Variants in WWOX observed in about 807,000 individuals in gnomAD.
WWOX encodes the protein WW domain-containing oxidoreductase.
Under a neutral mutation model 46.2 loss-of-function variants are expected in WWOX, and 69 were observed. The ratio of observed to expected loss-of-function variants is 1.49; its 90% CI spans 1.23 to 1.82. WWOX has a LOEUF of 1.82. Among genes scored for constraint, WWOX ranks in the 40% most tolerant of loss-of-function variants. WWOX has a pLI of 0.00. For missense variants in WWOX, 919 were observed against 542.6 expected (o/e 1.69, Z -6.89); for synonymous variants, 359 against 202.6 (o/e 1.77, Z -6.56).
In WWOX at chr16:78,617,486, G is replaced by T. The variant is rs556081776; in HGVS notation, c.1056+184734G>T. The stretch of plus-strand genomic sequence containing the variant: ...GTGAAATTGATCGTTCATTCACAAT[G>T]CTCAGTGCAGTGACTTTGCCGAGCA... On this transcript the variant is annotated intron_variant, in intron 8 of 8. Transcript: ENST00000566780. Among the ~76,000 whole-genome samples, 26 of 151,846 alleles carry T rather than the reference G, an allele frequency of 1.7e-4. No individual in the cohort carries two copies. In the South Asian group the frequency reaches 5.0e-3, roughly 29 times the overall value.
chr16:78,843,790 T>G (rs1465673062), intron 8 of WWOX, among the ~76,000 whole-genome samples: 5 of 152,302 alleles, frequency 3.3e-5, no homozygotes, highest in Non-Finnish European at 4.4e-5. Flanking sequence ...ATTTATTATG[T>G]TTTTTAAAAT....
intron 8 of WWOX, among the ~76,000 whole-genome samples, chr16:78,976,912 T>G (rs112746043): frequency 2.1e-4 from 32 of 152,330 alleles, no homozygotes; most frequent in African/African-American, 7.7e-4. Flanking sequence ...CCCTTTTCTT[T>G]TTCTCAGGGC....
At chr16:78,555,555 A>G (rs867211374) in intron 8 of WWOX, among the ~76,000 whole-genome samples, 4 of 149,872 alleles carry the variant, frequency 2.7e-5, no homozygotes, top group Middle Eastern at 3.5e-3. Flanking sequence ...TATGCAGGCC[A>G]GTACCACATT....
intron 5 of WWOX, among the ~76,000 whole-genome samples, chr16:78,354,000 G>C (rs9932477): frequency 0.15 from 23,416 of 152,170 alleles, 2,455 homozygotes; most frequent in East Asian, 0.45. Flanking sequence ...TCTCTTTCCA[G>C]ACAATAAACT....
intron 8 of WWOX, among the ~76,000 whole-genome samples, chr16:78,444,434 T>G (rs1041835216): frequency 1.3e-5 from 2 of 152,064 alleles, no homozygotes; most frequent in African/African-American, 2.4e-5. Flanking sequence ...TTTCATAAAT[T>G]TTGGATGAAA....
intron 8 of WWOX, among the ~76,000 whole-genome samples, chr16:78,528,515 A>G (rs1267035937): frequency 1.3e-5 from 2 of 152,136 alleles, no homozygotes; most frequent in Non-Finnish European, 2.9e-5. Flanking sequence ...TTTAAAATTA[A>G]TGCTGCTGTT....
intron 8 of WWOX, among the ~76,000 whole-genome samples, chr16:78,776,538 C>T (rs1213880425): frequency 6.6e-6 from 1 of 152,126 alleles, no homozygotes; most frequent in Non-Finnish European, 1.5e-5. Flanking sequence ...ACCTGTTTAG[C>T]AGCAGCAGTG....
intron 5 of WWOX, 44 bp from the exon 6 acceptor site, chr16:78,386,816 A>G (rs780034334): frequency 2.2e-5 from 34 of 1,544,170 alleles, no homozygotes; most frequent in Middle Eastern, 1.7e-4. Flanking sequence ...CATGAACTAC[A>G]CTTGCTGTTA....
intron 5 of WWOX, among the ~76,000 whole-genome samples, chr16:78,216,650 T>G (rs2036731380): frequency 6.6e-6 from 1 of 152,058 alleles, no homozygotes; most frequent in Non-Finnish European, 1.5e-5. Context: ...CCAGGACTCT[T>G]CTCCTGCTTT....
intron 8 of WWOX, among the ~76,000 whole-genome samples, chr16:78,519,833 G>T (rs1310254757): frequency 6.6e-6 from 1 of 152,106 alleles, no homozygotes; most frequent in Non-Finnish European, 1.5e-5. Context: ...TGAACTTCCA[G>T]CCCCCAGAAC....
At chr16:78,785,577 A>G (rs2050435804) in intron 8 of WWOX, among the ~76,000 whole-genome samples, 1 of 152,240 alleles carries the variant, frequency 6.6e-6, no homozygotes, top group Non-Finnish European at 1.5e-5. Flanking sequence ...AATAGTATAC[A>G]CAGTACTGTT....
chr16:79,134,023 T>C (rs2049934700), intron 8 of WWOX, among the ~76,000 whole-genome samples: 1 of 152,172 alleles, frequency 6.6e-6, no homozygotes, highest in Non-Finnish European at 1.5e-5. Context: ...AGCAAGCATG[T>C]AGGAAGAGTT....
chr16:78,590,039 G>A (rs1228530886), intron 8 of WWOX, among the ~76,000 whole-genome samples: 1 of 152,102 alleles, frequency 6.6e-6, no homozygotes. Flanking sequence ...ACTGTGATAA[G>A]TCCTAGGATT....
At chr16:78,567,273 CG>C (rs1258937824) in intron 8 of WWOX, among the ~76,000 whole-genome samples, 1 of 151,958 alleles carries the variant, frequency 6.6e-6, no homozygotes, top group Non-Finnish European at 1.5e-5. Flanking sequence ...TGGTTGGGCG[CG>C]GTGGCTCACG....
At chr16:78,522,500 G>T (rs2043371150) in intron 8 of WWOX, among the ~76,000 whole-genome samples, 1 of 152,136 alleles carries the variant, frequency 6.6e-6, no homozygotes, top group Non-Finnish European at 1.5e-5. Context: ...ACTCTTCTCT[G>T]TCTTCTTCAG....
intron 8 of WWOX, among the ~76,000 whole-genome samples, chr16:78,777,590 A>G (rs967325652): frequency 6.6e-6 from 1 of 152,148 alleles, no homozygotes; most frequent in African/African-American, 2.4e-5. Flanking sequence ...AAGCATTAAC[A>G]CAGAGACATG....
At chr16:78,306,791 C>A (rs1318534119) in intron 5 of WWOX, among the ~76,000 whole-genome samples, 1 of 151,898 alleles carries the variant, frequency 6.6e-6, no homozygotes, top group East Asian at 1.9e-4. Flanking sequence ...TCCCACAATC[C>A]CCACTGAGTC....
intron 6 of WWOX, among the ~76,000 whole-genome samples, chr16:78,417,056 C>T (rs76476458): frequency 0.045 from 5,119 of 113,150 alleles, 289 homozygotes; most frequent in African/African-American, 0.25. Flanking sequence ...TGTGTGTTTG[C>T]TTCTTTATAT....
At chr16:78,167,290 C>T (rs933649878) in intron 5 of WWOX, 1 of 152,166 alleles carries the variant, frequency 6.6e-6, no homozygotes, top group African/African-American at 2.4e-5. Flanking sequence ...GAGCCTGTTT[C>T]CTCATCTTTA....
Sources: allele counts gnomAD v4.1 joint callset (sites outside exome capture counted in the v4.1 genomes callset), GRCh38; gene constraint gnomAD v4.1.1; transcripts MANE v1.5; gene names NCBI Gene and HGNC (gene_info 2026-07-23, HGNC 2026-07-21).